ONECUT3: variants seen among roughly 807,000 people sequenced by gnomAD.
ONECUT3 encodes the protein one cut domain family member 3.
In ONECUT3, 11 loss-of-function variants were observed where a neutral mutation model predicts 16.8. The observed-to-expected ratio is 0.66, with a 90% CI of 0.41 to 1.09. The LOEUF is 1.09. Among genes scored for constraint, ONECUT3 ranks in the 50% least tolerant of loss-of-function variants. ONECUT3 has a pLI of 0.00. For synonymous variants in ONECUT3, 344 were observed against 310.7 expected (o/e 1.11, Z -1.13); for missense variants, 637 against 629.9 (o/e 1.01, Z -0.12).
chr19:1,778,891 CACACACA>C lies in ONECUT3; in HGVS notation c.*3447_*3453del. The C allele has an allele frequency of 6.6e-6, 1 of 150,932 alleles. No homozygotes were observed. Among genetic ancestry groups the C allele is most frequent in the African/African-American group, 2.5e-5 (1 of 40,636 alleles). The allele number at this position is 150,932 out of a possible 1,614,324, so 9.3% of individuals were successfully genotyped here. Reference sequence around the variant, plus strand: ...TCACACACACACACACACACACACACACACACACACACACACACACACCCCTACCTGT... The same window carrying C: ...TCACACACACACACACACACACACACCACACACACACACACCCCTACCTGT... On this transcript the variant is annotated 3_prime_UTR_variant, in exon 2 of 2. Coordinates refer to ENST00000382349, the MANE Select transcript of ONECUT3 (RefSeq NM_001080488.2).
Position 1,780,698 on chromosome 19 carries a change from C to T in ONECUT3, c.*5253C>T, listed in dbSNP as rs2068149980. ...GCTTGGGCCATTTCACATTCTCTGC[C>T]CCAAGCGGTTTAAGCAAAATCAGGC... On this transcript the variant is annotated 3_prime_UTR_variant, in exon 2 of 2. Coordinates refer to ENST00000382349, the MANE Select transcript of ONECUT3 (RefSeq NM_001080488.2). 2.6e-5 allele frequency: 4 copies of T among 152,200 alleles called. No homozygotes were observed. The highest frequency in any genetic ancestry group is 9.7e-5 in the African/African-American group (4 of 41,436). The allele number at this position is 152,200 out of a possible 1,614,324, so 9.4% of individuals were successfully genotyped here.
rs1301162596 is a variant in ONECUT3, at chr19:1,758,315, A to AAGAGAGAGAG, written c.1192+3473_1192+3482dup. ...GCAGAGAGACCAAAAAAAAAAAAAA[A>AAGAGAGAGAG]AGAGAGAGAGAGAGAGAGAGACAGA... On this transcript the variant is annotated intron_variant, in intron 1 of 1. Coordinates refer to ENST00000382349, the MANE Select transcript of ONECUT3 (RefSeq NM_001080488.2). This position sits in a 1 kb window ranked among gnomAD's most constrained non-coding sequence, Gnocchi z 5.9. 1.3e-5 allele frequency among the ~76,000 whole-genome samples: 1 copy of AAGAGAGAGAG among 77,022 alleles called. No homozygotes were observed. The highest frequency in any genetic ancestry group is 4.0e-5 in the African/African-American group (1 of 24,788). The allele number at this position is 77,022 out of a possible 152,430, so 50.5% of individuals were successfully genotyped here.
intron 1 of ONECUT3, among the ~76,000 whole-genome samples, chr19:1,773,334 G>A (rs553011019): frequency 6.6e-6 from 1 of 151,364 alleles, no homozygotes; most frequent in Non-Finnish European, 1.5e-5. Context: ...GTAACCCACA[G>A]GCATCACTTG....
At position 1,764,618 on chromosome 19, in the gene ONECUT3, A is replaced by G. The variant is rs936842154; in HGVS notation, c.1192+9764A>G. Among the ~76,000 whole-genome samples, 1 of 151,888 alleles carries G rather than the reference A, an allele frequency of 6.6e-6. No individual in the cohort carries two copies. The highest frequency in any genetic ancestry group is 6.6e-5 in the Admixed American group (1 of 15,266). On this transcript the variant is annotated intron_variant, in intron 1 of 1. Transcript: ENST00000382349. The surrounding 1 kb of genome is among the most constrained non-coding windows in gnomAD (Gnocchi z 5.0). ...TCTGGGGGTCCACGCCTGGGGCATGACTCAGCCCCATCTCCTTGGAGAAGG... is the reference window on the plus strand; with the variant it reads ...TCTGGGGGTCCACGCCTGGGGCATGGCTCAGCCCCATCTCCTTGGAGAAGG...
intron 1 of ONECUT3, among the ~76,000 whole-genome samples, chr19:1,761,560 A>C (rs116005536): frequency 0.018 from 2,725 of 152,258 alleles, 77 homozygotes; most frequent in African/African-American, 0.063. Flanking sequence ...ACCAGCAGGG[A>C]CAAAGGCTGG....
In ONECUT3 at chr19:1,754,482, G is replaced by A; in HGVS notation, c.820G>A (p.Gly274Arg). ...PGGGGGTGSG[G>R]AGSGSAAGLL... is the part of the protein sequence containing the mutation. ...AGGCGGCGGCGGCACAGGCAGCGGC[G>A]GAGCGGGCAGCGGGAGCGCCGCGGG... The change falls in exon 1 of 2, where the codon GGA (glycine) becomes AGA (arginine). Residue 274 changes from glycine (G) to arginine (R), a missense_variant. By Grantham distance (125) the Gly-to-Arg change is moderately radical. Around this residue, in one of 3 missense-constraint regions of ONECUT3, gnomAD observed 419 missense variants for 377.9 expected, o/e 1.11. Transcript: ENST00000382349. The surrounding 1 kb of genome is among the most constrained non-coding windows in gnomAD (Gnocchi z 7.4). 1.4e-5 allele frequency: 14 copies of A among 982,384 alleles called. No homozygotes were observed. The highest frequency in any genetic ancestry group is 1.6e-5 in the Non-Finnish European group (13 of 829,604). The allele number at this position is 982,384 out of a possible 1,614,324, so 60.9% of individuals were successfully genotyped here. A position where few individuals can be genotyped will look rare whatever the true frequency, so the allele number is the denominator to read the frequency against.
At position 1,758,059 on chromosome 19, in the gene ONECUT3, G is replaced by A. The variant is rs951830052; in HGVS notation, c.1192+3205G>A. 2.6e-5 allele frequency among the ~76,000 whole-genome samples: 4 copies of A among 152,150 alleles called. No individual in the cohort carries two copies. Among genetic ancestry groups the A allele is most frequent in the Admixed American group, 6.5e-5 (1 of 15,280 alleles). The stretch of plus-strand genomic sequence containing the variant: ...CGGGCCACGCGTTTCCGCAGGTGCC[G>A]AGTGTCCTGCCGGGCGCCGGGGCCA... On this transcript the variant is annotated intron_variant, in intron 1 of 1. Transcript: ENST00000382349. The surrounding 1 kb of genome is among the most constrained non-coding windows in gnomAD (Gnocchi z 5.9).
At position 1,779,618 on chromosome 19, in the gene ONECUT3, G is replaced by C. The variant is rs558663834; in HGVS notation, c.*4173G>C. ...AAAAAAAAAAGACAAAATGGAATTT[G>C]AGTTGGTGCATGACTAATGTACTCT... On this transcript the variant is annotated 3_prime_UTR_variant, in exon 2 of 2. Coordinates refer to ENST00000382349, the MANE Select transcript of ONECUT3 (RefSeq NM_001080488.2). 2.0e-5 allele frequency: 3 copies of C among 146,682 alleles called. No homozygotes were observed. The South Asian group carries it at 6.5e-4, about 32-fold the overall frequency. The allele number at this position is 146,682 out of a possible 1,614,324, so 9.1% of individuals were successfully genotyped here.
In ONECUT3 at chr19:1,754,444, G is replaced by T; in HGVS notation, c.782G>T (p.Arg261Leu). ...LLGRAEDALARGLPGGGGGTG... is the reference protein window; with the variant it reads ...LLGRAEDALALGLPGGGGGTG... ...GGACGCGCGGAGGACGCACTGGCCC[G>T]CGGGCTGCCCGGAGGCGGCGGCGGC... is the stretch of plus-strand genomic sequence containing the variant. The change falls in exon 1 of 2, where the codon CGC (arginine) becomes CTC (leucine). Residue 261 changes from arginine (R) to leucine (L), a missense_variant. Coordinates refer to ENST00000382349, the MANE Select transcript of ONECUT3 (RefSeq NM_001080488.2). This position sits in a 1 kb window ranked among gnomAD's most constrained non-coding sequence, Gnocchi z 7.4. The T allele has an allele frequency of 1.0e-6, 1 of 997,206 alleles. No individual in the cohort carries two copies. The highest frequency in any genetic ancestry group is 1.2e-6 in the Non-Finnish European group (1 of 840,114). 61.8% of individuals were successfully genotyped at this position (997,206 alleles called of 1,614,324 possible).
rs1439551108 is a variant in ONECUT3 at position 1,776,263 on chromosome 19, C to CT, written c.*821dup. ...GCCCCGTCTGTTGAGTTCACTTTAC[C>CT]TTTAGGCACCTTCGTGGAGCGCAAG... On this transcript the variant is annotated 3_prime_UTR_variant, in exon 2 of 2. Transcript: ENST00000382349. The surrounding 1 kb of genome is among the most constrained non-coding windows in gnomAD (Gnocchi z 4.9). The CT allele has an allele frequency of 1.3e-5, 2 of 152,252 alleles. No homozygotes were observed. The highest frequency in any genetic ancestry group is 2.4e-5 in the African/African-American group (1 of 41,450). The allele number at this position is 152,252 out of a possible 1,614,324, so 9.4% of individuals were successfully genotyped here. A position where few individuals can be genotyped will look rare whatever the true frequency, so the allele number is the denominator to read the frequency against.
At position 1,754,266 on chromosome 19, in the gene ONECUT3, C is replaced by G; in HGVS notation, c.604C>G (p.Leu202Val). 2 of 1,062,078 alleles carry G rather than the reference C, an allele frequency of 1.9e-6. No homozygotes were observed. The highest frequency in any genetic ancestry group is 2.3e-6 in the Non-Finnish European group (2 of 882,738). 65.8% of individuals were successfully genotyped at this position (1,062,078 alleles called of 1,614,324 possible). The change falls in exon 1 of 2, where the codon CTG (leucine) becomes GTG (valine). Residue 202 changes from leucine (L) to valine (V), a missense_variant. Transcript: ENST00000382349. The surrounding 1 kb of genome is among the most constrained non-coding windows in gnomAD (Gnocchi z 7.4). ...CGCCATGGGGTCGCCGCTGTCGCCG[C>G]TGCCCAACGCGCTGCCGCCCGCGCT... Reference protein sequence around the residue: ...LPAMGSPLSPLPNALPPALHG... With the variant: ...LPAMGSPLSPVPNALPPALHG...
rs977163060 is a variant in ONECUT3, at chr19:1,754,496, G to A, written c.834G>A (p.Gly278=). 4 of 980,778 alleles carry A rather than the reference G, an allele frequency of 4.1e-6. No individual in the cohort carries two copies. In the African/African-American group the frequency reaches 5.3e-5, roughly 13 times the overall value. 60.8% of individuals were successfully genotyped at this position (980,778 alleles called of 1,614,324 possible). A position where few individuals can be genotyped will look rare whatever the true frequency, so the allele number is the denominator to read the frequency against. ...CAGGCAGCGGCGGAGCGGGCAGCGG[G>A]AGCGCCGCGGGGCTGCTGGCGCCGC... ...GGTGSGGAGS[G]SAAGLLAPLG... is the part of the protein sequence containing the mutation. The change falls in exon 1 of 2, where the codon GGG becomes GGA. Residue 278 remains glycine, a synonymous_variant. Transcript: ENST00000382349. This position sits in a 1 kb window ranked among gnomAD's most constrained non-coding sequence, Gnocchi z 7.4.
intron 1 of ONECUT3, among the ~76,000 whole-genome samples, chr19:1,765,322 C>A (rs543321930): frequency 7.9e-5 from 12 of 152,330 alleles, no homozygotes; most frequent in Non-Finnish European, 1.3e-4. Flanking sequence ...ATTCAGGGAC[C>A]TTCCCTCCAG....
chr19:1,775,747 C>A lies in ONECUT3; in HGVS notation c.*302C>A. The A allele has an allele frequency of 7.1e-6, 2 of 280,528 alleles. No homozygotes were observed. The highest frequency in any genetic ancestry group is 1.6e-4 in the South Asian group (2 of 12,672). The allele number at this position is 280,528 out of a possible 1,614,324, so 17.4% of individuals were successfully genotyped here. ...CAGCCCCCTCTCCATTCAGGACGCC[C>A]AGAGGGCCTCGAGAAAAACCAGGGC... is the stretch of plus-strand genomic sequence containing the variant. On this transcript the variant is annotated 3_prime_UTR_variant, in exon 2 of 2. Transcript: ENST00000382349.
chr19:1,772,437 G>C (rs1429649787), intron 1 of ONECUT3, among the ~76,000 whole-genome samples: 1 of 151,994 alleles, frequency 6.6e-6, no homozygotes, highest in Admixed American at 6.6e-5. Context: ...TGTTCCTCCT[G>C]CCTCAGCCTC....
intron 1 of ONECUT3, among the ~76,000 whole-genome samples, chr19:1,770,632 C>T (rs1033907758): frequency 1.3e-5 from 2 of 152,098 alleles, no homozygotes; most frequent in African/African-American, 2.4e-5. Context: ...AACAGGTGAG[C>T]GAGAAGGGCC....
chr19:1,766,461 G>A lies in ONECUT3; in HGVS notation c.1193-8692G>A, dbSNP rs1213245307. On this transcript the variant is annotated intron_variant, in intron 1 of 1. Transcript: ENST00000382349. The surrounding 1 kb of genome is among the most constrained non-coding windows in gnomAD (Gnocchi z 4.0). Reference sequence around the variant, plus strand: ...TGAAGGGGGAGAGAAGGAGGAGGAGGGGGAGAGGGAAGGAAGGGAAGTGAG... The same window carrying A: ...TGAAGGGGGAGAGAAGGAGGAGGAGAGGGAGAGGGAAGGAAGGGAAGTGAG... Among the ~76,000 whole-genome samples the A allele has an allele frequency of 1.3e-5, 2 of 151,848 alleles. No individual in the cohort carries two copies. The highest frequency in any genetic ancestry group is 1.3e-4 in the Admixed American group (2 of 15,242).
At position 1,755,746 on chromosome 19, in the gene ONECUT3, C is replaced by A. The variant is rs2067913227; in HGVS notation, c.1192+892C>A. Reference sequence around the variant, plus strand: ...TTATCTCTTCTCCCTGTCGGTCTCTCCGCCTCTGTCTCTGTCTCATACTCA... The same window carrying A: ...TTATCTCTTCTCCCTGTCGGTCTCTACGCCTCTGTCTCTGTCTCATACTCA... On this transcript the variant is annotated intron_variant, in intron 1 of 1. Transcript: ENST00000382349. The surrounding 1 kb of genome is among the most constrained non-coding windows in gnomAD (Gnocchi z 7.5). Among the ~76,000 whole-genome samples, 3 of 152,216 alleles carry A rather than the reference C, an allele frequency of 2.0e-5. No individual in the cohort carries two copies. Among genetic ancestry groups the A allele is most frequent in the Admixed American group, 1.3e-4 (2 of 15,284 alleles).
In ONECUT3 at chr19:1,764,494, C is replaced by T. The variant is rs1002047482; in HGVS notation, c.1192+9640C>T. The stretch of plus-strand genomic sequence containing the variant: ...CGCCTGCTGAGGCCAAGGTGGGCTC[C>T]GCGTGAGATGTGGGCAGGGCAGGCA... On this transcript the variant is annotated intron_variant, in intron 1 of 1. Transcript: ENST00000382349. This position sits in a 1 kb window ranked among gnomAD's most constrained non-coding sequence, Gnocchi z 5.0. Among the ~76,000 whole-genome samples the T allele has an allele frequency of 4.0e-5, 6 of 151,880 alleles. No individual in the cohort carries two copies. Among genetic ancestry groups the T allele is most frequent in the Admixed American group, 1.3e-4 (2 of 15,256 alleles).
Sources: gnomAD v4.1 joint callset for allele counts (sites outside exome capture counted in the v4.1 genomes callset) on GRCh38, gnomAD v4.1.1 for gene constraint, gnomAD v4.1.1 regional missense constraint, Gnocchi (gnomAD v3.1) non-coding constraint, MANE v1.5 for transcripts, NCBI Gene and HGNC (gene_info 2026-07-23, HGNC 2026-07-21) for gene names.